MYADM: variants seen among roughly 807,000 people sequenced by gnomAD.
MYADM encodes the protein myeloid-associated differentiation marker.
For synonymous variants in MYADM, 224 were observed against 210.2 expected, an observed-to-expected ratio of 1.07 and a Z score of -0.57; for missense variants, 416 against 443.4, an observed-to-expected ratio of 0.94 and a Z score of 0.56.
At chr19:53,871,331 T>C (rs2068382693) in intron 2 of MYADM, among the ~76,000 whole-genome samples, 1 of 152,146 alleles carries the variant, frequency 6.6e-6, no homozygotes, top group Non-Finnish European at 1.5e-5. Context: ...GAGCTGAGTT[T>C]CCCAGAAGCT....
At position 53,873,457 on chromosome 19, in the gene MYADM, G is replaced by T; in HGVS notation, c.-2-71G>T. 6.7e-7 allele frequency: 1 copy of T among 1,485,324 alleles called. No individual in the cohort carries two copies. The highest frequency in any genetic ancestry group is 1.3e-5 in the South Asian group (1 of 74,710). The allele number at this position is 1,485,324 out of a possible 1,614,324, so 92.0% of individuals were successfully genotyped here. ...CTCATATTAATTTGTCCCTGGGGTA[G>T]GCAATGGCTAAGGGACCTGGATTCT... On this transcript the variant is annotated intron_variant, in intron 2 of 2. Coordinates refer to ENST00000391770, the MANE Select transcript of MYADM (RefSeq NM_138373.5). The surrounding 1 kb of genome is among the most constrained non-coding windows in gnomAD (Gnocchi z 4.3).
chr19:53,874,614 C>T lies in MYADM; in HGVS notation c.*116C>T, dbSNP rs2068484314. ...CCTCTGTTTTCCTCTTCCTGTCTCC[C>T]CTCCCTCCCACCTTTTTCTTTCCTT... On this transcript the variant is annotated 3_prime_UTR_variant, in exon 3 of 3. Coordinates refer to ENST00000391770, the MANE Select transcript of MYADM (RefSeq NM_138373.5). 1.6e-6 allele frequency: 2 copies of T among 1,237,954 alleles called. No individual in the cohort carries two copies. The highest frequency in any genetic ancestry group is 3.1e-5 in the African/African-American group (2 of 65,388). The allele number at this position is 1,237,954 out of a possible 1,614,324, so 76.7% of individuals were successfully genotyped here.
Position 53,868,175 on chromosome 19 carries a change from G to A in MYADM, c.-88+232G>A, listed in dbSNP as rs1177897928. 1.3e-5 allele frequency among the ~76,000 whole-genome samples: 2 copies of A among 151,838 alleles called. No individual in the cohort carries two copies. Among genetic ancestry groups the A allele is most frequent in the Non-Finnish European group, 2.9e-5 (2 of 67,956 alleles). On this transcript the variant is annotated intron_variant, in intron 1 of 2. Coordinates refer to ENST00000391770, the MANE Select transcript of MYADM (RefSeq NM_138373.5). This position sits in a 1 kb window ranked among gnomAD's most constrained non-coding sequence, Gnocchi z 6.3. ...CGGGGTCTGAGGGAGGAGGGGCTGG[G>A]GGTCTGGACTCCCGGGTCCGAGGCA...
Position 53,871,838 on chromosome 19 carries a change from G to T in MYADM, c.-2-1690G>T, listed in dbSNP as rs145831316. ...GACAAGCGTTTTGTTCTGACACTTG[G>T]GTTGTGGCAGGAGGCAGAAGGAGGA... On this transcript the variant is annotated intron_variant, in intron 2 of 2. Transcript: ENST00000391770. Among the ~76,000 whole-genome samples, 967 of 151,972 alleles carry T rather than the reference G, an allele frequency of 6.4e-3. 10 individuals are homozygous for T. The highest frequency in any genetic ancestry group is 0.022 in the African/African-American group (906 of 41,464).
chr19:53,871,439 G>C (rs2068385477), intron 2 of MYADM, among the ~76,000 whole-genome samples: 1 of 152,108 alleles, frequency 6.6e-6, no homozygotes, highest in African/African-American at 2.4e-5. Flanking sequence ...GCTTTTTTGG[G>C]TTGCAGTACT....
Position 53,873,264 on chromosome 19 carries a change from C to T in MYADM, c.-2-264C>T, listed in dbSNP as rs143392524. On this transcript the variant is annotated intron_variant, in intron 2 of 2. Coordinates refer to ENST00000391770, the MANE Select transcript of MYADM (RefSeq NM_138373.5). This position sits in a 1 kb window ranked among gnomAD's most constrained non-coding sequence, Gnocchi z 4.3. The stretch of plus-strand genomic sequence containing the variant: ...GCACATGCCTGTAATCTCAGCTACT[C>T]GGGAGGCTGAGGCAGGAGAATCACT... 5.8e-3 allele frequency among the ~76,000 whole-genome samples: 874 copies of T among 151,472 alleles called. 2 individuals carry two copies. The highest frequency in any genetic ancestry group is 7.9e-3 in the Non-Finnish European group (533 of 67,832).
At chr19:53,867,498 C>T (rs2068262470), upstream of MYADM, among the ~76,000 whole-genome samples, 1 of 152,054 alleles carries the variant, frequency 6.6e-6, no homozygotes, top group Admixed American at 6.5e-5. Flanking sequence ...AGCTGGGGGG[C>T]TCTGCACTAA....
Position 53,873,418 on chromosome 19 carries a change from C to A in MYADM, c.-2-110C>A. On this transcript the variant is annotated intron_variant, in intron 2 of 2. Transcript: ENST00000391770. The surrounding 1 kb of genome is among the most constrained non-coding windows in gnomAD (Gnocchi z 4.3). ...AACCGAAAGCCCCACATCTTGGGAA[C>A]TCCCTAATTAGAGCTCATATTAATT... The A allele has an allele frequency of 8.6e-7, 1 of 1,167,630 alleles. No individual in the cohort carries two copies. The highest frequency in any genetic ancestry group is 1.2e-6 in the Non-Finnish European group (1 of 827,118). The allele number at this position is 1,167,630 out of a possible 1,614,324, so 72.3% of individuals were successfully genotyped here. A position where few individuals can be genotyped will look rare whatever the true frequency, so the allele number is the denominator to read the frequency against.
rs367969185 is a variant in MYADM at position 53,874,153 on chromosome 19, G to A, written c.624G>A (p.Ala208=). ...AGCCGGCCCTGGAGTGGTGCGTGGC[G>A]GTGTACGCCATCTGCTTCATCCTAG... ...QHQPALEWCV[A]VYAICFILAA... The change falls in exon 3 of 3, where the codon GCG becomes GCA. Residue 208 remains alanine (A), a synonymous_variant. Coordinates refer to ENST00000391770, the MANE Select transcript of MYADM (RefSeq NM_138373.5). The A allele has an allele frequency of 4.4e-5, 71 of 1,613,620 alleles. No homozygotes were observed. The highest frequency in any genetic ancestry group is 5.6e-5 in the Non-Finnish European group (66 of 1,180,038).
At position 53,873,627 on chromosome 19, in the gene MYADM, C is replaced by A. The variant is rs745714233; in HGVS notation, c.98C>A (p.Thr33Lys). ...PMIVGSPRAL[T>K]QPLGLLRLLQ... ...ATCGTGGGGTCCCCTCGGGCCCTGACACAGCCCCTGGGTCTCCTTCGCCTG... is the reference window on the plus strand; with the variant it reads ...ATCGTGGGGTCCCCTCGGGCCCTGAAACAGCCCCTGGGTCTCCTTCGCCTG... The change falls in exon 3 of 3, where the codon ACA (threonine) becomes AAA (lysine). Residue 33 changes from threonine to lysine, a missense_variant. Transcript: ENST00000391770. The surrounding 1 kb of genome is among the most constrained non-coding windows in gnomAD (Gnocchi z 4.3). 6.2e-7 allele frequency: 1 copy of A among 1,614,196 alleles called. No homozygotes were observed. The highest frequency in any genetic ancestry group is 8.5e-7 in the Non-Finnish European group (1 of 1,180,032).
At position 53,874,084 on chromosome 19, in the gene MYADM, C is replaced by A. The variant is rs1397782798; in HGVS notation, c.555C>A (p.Cys185Ter). 1 of 1,611,822 alleles carries A rather than the reference C, an allele frequency of 6.2e-7. No individual in the cohort carries two copies. The highest frequency in any genetic ancestry group is 1.7e-5 in the Admixed American group (1 of 60,032). ...LLKVLETFVA[C>*]IIFAFISDPN... ...AGGTGCTGGAGACCTTCGTTGCCTG[C>A]ATCATCTTCGCGTTCATCAGCGACC... The change falls in exon 3 of 3, where the codon TGC (cysteine) becomes TGA (stop). Residue 185 changes from cysteine to a stop codon, truncating the protein, a stop_gained. Transcript: ENST00000391770. LOFTEE classifies it low-confidence loss of function (END_TRUNC).
upstream of MYADM, among the ~76,000 whole-genome samples, chr19:53,867,579 CTG>C (rs1161022944): frequency 6.6e-6 from 1 of 152,170 alleles, no homozygotes; most frequent in Admixed American, 6.5e-5. Context: ...TCCTCTAGGG[CTG>C]TGTCGAGGAG....
Position 53,874,138 on chromosome 19 carries a change from G to A in MYADM, c.609G>A (p.Leu203=). 3 of 1,613,556 alleles carry A rather than the reference G, an allele frequency of 1.9e-6. No homozygotes were observed. In the Middle Eastern group the frequency reaches 4.9e-4, roughly 266 times the overall value. Residue 203 remains leucine, a synonymous_variant, in exon 3 of 3, where the codon CTG becomes CTA. Coordinates refer to ENST00000391770, the MANE Select transcript of MYADM (RefSeq NM_138373.5). ...DPNLYQHQPA[L]EWCVAVYAIC... ...ACCTGTACCAGCACCAGCCGGCCCT[G>A]GAGTGGTGCGTGGCGGTGTACGCCA...
Position 53,874,503 on chromosome 19 carries a change from C to G in MYADM, c.*5C>G. The G allele has an allele frequency of 6.3e-7, 1 of 1,577,978 alleles. No individual in the cohort carries two copies. Among genetic ancestry groups the G allele is most frequent in the African/African-American group, 1.4e-5 (1 of 73,576 alleles). On this transcript the variant is annotated 3_prime_UTR_variant, in exon 3 of 3. Coordinates refer to ENST00000391770, the MANE Select transcript of MYADM (RefSeq NM_138373.5). Reference sequence around the variant, plus strand: ...CTGGTTTTTGTCAAGGTCTAAGACTCTCCCAAGAGGCTCCCGTTCCCTCTC... The same window carrying G: ...CTGGTTTTTGTCAAGGTCTAAGACTGTCCCAAGAGGCTCCCGTTCCCTCTC...
intron 2 of MYADM, among the ~76,000 whole-genome samples, chr19:53,870,620 C>T (rs1189255870): frequency 6.6e-6 from 1 of 152,168 alleles, no homozygotes; most frequent in Non-Finnish European, 1.5e-5. Flanking sequence ...TGTCCTGCGA[C>T]TGCCACGAAG....
intron 2 of MYADM, among the ~76,000 whole-genome samples, chr19:53,872,352 C>T (rs959423143): frequency 5.3e-5 from 8 of 151,994 alleles, no homozygotes; most frequent in African/African-American, 1.2e-4. Flanking sequence ...CATGCCACCA[C>T]GCCCAGATAA....
upstream of MYADM, among the ~76,000 whole-genome samples, chr19:53,866,740 A>C (rs2068251638): frequency 6.6e-6 from 1 of 152,116 alleles, no homozygotes; most frequent in Non-Finnish European, 1.5e-5. This position sits in a 1 kb window ranked among gnomAD's most constrained non-coding sequence, Gnocchi z 4.3. Flanking sequence ...GGCCAAAAAT[A>C]TCGCTGCCTT....
chr19:53,872,690 T>A (rs2068417601), intron 2 of MYADM: 1 of 149,944 alleles, frequency 6.7e-6, no homozygotes, highest in African/African-American at 2.5e-5. Flanking sequence ...AATTTTTTTT[T>A]GGTAAATGAG....
In MYADM at chr19:53,876,303, A is replaced by AT. The variant is rs201983992; in HGVS notation, c.*1814dup. Reference sequence around the variant, plus strand: ...ATATAAATGTATAAATATATATTTTATTTTTTTTTAAATCCCTGGAGCTTC... The same window carrying AT: ...ATATAAATGTATAAATATATATTTTATTTTTTTTTTAAATCCCTGGAGCTTC... On this transcript the variant is annotated 3_prime_UTR_variant, in exon 3 of 3. Transcript: ENST00000391770. 26 of 162,292 alleles carry AT rather than the reference A, an allele frequency of 1.6e-4. No homozygotes were observed. The highest frequency in any genetic ancestry group is 4.2e-4 in the African/African-American group (17 of 40,582). 10.1% of individuals were successfully genotyped at this position (162,292 alleles called of 1,614,324 possible). A position where few individuals can be genotyped will look rare whatever the true frequency, so the allele number is the denominator to read the frequency against.
Sources: allele counts gnomAD v4.1 joint callset (sites outside exome capture counted in the v4.1 genomes callset), GRCh38; gene constraint gnomAD v4.1.1; non-coding constraint Gnocchi (gnomAD v3.1); transcripts MANE v1.5; gene names NCBI Gene and HGNC (gene_info 2026-07-23, HGNC 2026-07-21).